The following GRIA4 variants were observed in gnomAD, a reference collection of about 807,000 sequenced individuals.
The protein encoded by GRIA4 is glutamate receptor 4.
In GRIA4, 34 loss-of-function variants were observed where a neutral mutation model predicts 104.0. The ratio of observed to expected loss-of-function variants is 0.33; its 90% CI spans 0.25 to 0.44. GRIA4 has a LOEUF of 0.44. Ranked by LOEUF, GRIA4 falls within the 20% of genes least tolerant of loss-of-function variation. GRIA4 has a pLI of 1.00. For synonymous variants in GRIA4, 386 were observed against 381.9 expected, an observed-to-expected ratio of 1.01 and a Z score of -0.13; for missense variants, 750 against 1,096.5, an observed-to-expected ratio of 0.68 and a Z score of 4.46.
intron 16 of GRIA4, chr11:105,975,081 G>A (rs1858908554): frequency 6.5e-6 from 1 of 153,158 alleles, no homozygotes; most frequent in Non-Finnish European, 1.5e-5. Flanking sequence ...TTTTACATTA[G>A]CCATCATTCT....
rs539520662 is a variant in GRIA4 at position 105,657,358 on chromosome 11, C to CA, written c.247+44929dup. Among the ~76,000 whole-genome samples the CA allele has an allele frequency of 3.5e-3, 524 of 151,862 alleles. 6 individuals carry two copies. Among genetic ancestry groups the CA allele is most frequent in the African/African-American group, 0.012 (513 of 41,448 alleles). ...ATGTAACCAAACACCACCTGTTCCC[C>CA]AAAAACCTACTGAAATAAAAAATAA... On this transcript the variant is annotated intron_variant, in intron 3 of 16. Coordinates refer to ENST00000282499, the MANE Select transcript of GRIA4 (RefSeq NM_000829.4).
At chr11:105,966,738 A>C (rs956584957) in intron 14 of GRIA4, among the ~76,000 whole-genome samples, 1 of 152,208 alleles carries the variant, frequency 6.6e-6, no homozygotes, top group African/African-American at 2.4e-5. Flanking sequence ...AAGAACAAAA[A>C]AGTAGGCAAT....
At chr11:105,682,833 G>A (rs913731563) in intron 3 of GRIA4, among the ~76,000 whole-genome samples, 3 of 152,140 alleles carry the variant, frequency 2.0e-5, no homozygotes, top group Non-Finnish European at 4.4e-5. Context: ...CTGAACCACA[G>A]ATGCAGTTGT....
At chr11:105,724,271 A>G (rs1044751265) in intron 3 of GRIA4, among the ~76,000 whole-genome samples, 1 of 152,090 alleles carries the variant, frequency 6.6e-6, no homozygotes, top group African/African-American at 2.4e-5. Context: ...AGATAGGGAC[A>G]GAATCAATAA....
chr11:105,851,064 A>G (rs973070178), intron 4 of GRIA4, among the ~76,000 whole-genome samples: 4 of 152,204 alleles, frequency 2.6e-5, no homozygotes, highest in African/African-American at 7.2e-5. Context: ...ATATAAAATG[A>G]AGATAATAAA....
At chr11:105,610,843 CTTTTT>C in intron 1 of GRIA4, 60 bp from the exon 2 acceptor site, 1 of 589,900 alleles carries the variant, frequency 1.7e-6, no homozygotes. Context: ...AACCTCTTTC[CTTTTT>C]TTTCTTTCTT....
At chr11:105,682,301 G>T (rs772603546) in intron 3 of GRIA4, among the ~76,000 whole-genome samples, 21 of 152,064 alleles carry the variant, frequency 1.4e-4, no homozygotes, top group Non-Finnish European at 2.4e-4. Flanking sequence ...GTGCACTGCA[G>T]CCTCAAACTT....
At chr11:105,691,536 C>T (rs1953083372) in intron 3 of GRIA4, among the ~76,000 whole-genome samples, 1 of 152,084 alleles carries the variant, frequency 6.6e-6, no homozygotes, top group Admixed American at 6.6e-5. Context: ...TCAGTTTCCC[C>T]ATCTGTAAAA....
At position 105,980,838 on chromosome 11, in the gene GRIA4, A is replaced by G. The variant is rs1247032347; in HGVS notation, c.*1099A>G. 6.6e-6 allele frequency: 1 copy of G among 152,642 alleles called. No homozygotes were observed. The highest frequency in any genetic ancestry group is 2.4e-5 in the African/African-American group (1 of 41,452). The allele number at this position is 152,642 out of a possible 1,614,324, so 9.5% of individuals were successfully genotyped here. On this transcript the variant is annotated 3_prime_UTR_variant, in exon 17 of 17. Transcript: ENST00000282499. ...GTAGCTAGCCCTCATTATTTTTTGC[A>G]TACTAAGCTACCCCTCCTTTTCAGA...
chr11:105,765,786 C>T (rs911293560), intron 4 of GRIA4, among the ~76,000 whole-genome samples: 5 of 152,126 alleles, frequency 3.3e-5, no homozygotes, highest in Non-Finnish European at 7.4e-5. Context: ...GCAGTTGCAA[C>T]AGGCACAGTA....
intron 4 of GRIA4, among the ~76,000 whole-genome samples, chr11:105,771,675 GA>G (rs1484180999): frequency 6.6e-6 from 1 of 152,056 alleles, no homozygotes; most frequent in East Asian, 1.9e-4. Flanking sequence ...TTTTGCTTCA[GA>G]AAAGAAGTAC....
chr11:105,683,028 C>T (rs1952760184), intron 3 of GRIA4, among the ~76,000 whole-genome samples: 1 of 152,154 alleles, frequency 6.6e-6, no homozygotes, highest in Admixed American at 6.5e-5. Context: ...AAATCCATAA[C>T]CCATTTATAA....
intron 4 of GRIA4, among the ~76,000 whole-genome samples, chr11:105,777,972 C>A (rs1941527996): frequency 2.6e-5 from 4 of 152,090 alleles, no homozygotes; most frequent in Admixed American, 2.0e-4. Context: ...GGTCCTACTT[C>A]TTCATTCTTC....
chr11:105,692,350 G>A (rs953395757), intron 3 of GRIA4, among the ~76,000 whole-genome samples: 5 of 151,948 alleles, frequency 3.3e-5, no homozygotes, highest in Non-Finnish European at 5.9e-5. Context: ...TTCCAGTGGG[G>A]CCTCTACTCT....
intron 3 of GRIA4, among the ~76,000 whole-genome samples, chr11:105,702,884 G>A (rs2135527137): frequency 6.6e-6 from 1 of 151,864 alleles, no homozygotes. Context: ...TAGCAGAGAT[G>A]CGGTTTCACC....
intron 16 of GRIA4, 161 bp downstream of exon 16, chr11:105,974,605 C>T (rs757755347): frequency 2.3e-5 from 37 of 1,574,852 alleles, no homozygotes; most frequent in Non-Finnish European, 2.8e-5. Context: ...ATCCTGTGAA[C>T]GCAGTGTTGT....
At chr11:105,962,182 T>C (rs1948761075) in intron 14 of GRIA4, among the ~76,000 whole-genome samples, 1 of 152,148 alleles carries the variant, frequency 6.6e-6, no homozygotes, top group Non-Finnish European at 1.5e-5. Context: ...AGAAATATGA[T>C]CTAGAAGTAA....
intron 3 of GRIA4, among the ~76,000 whole-genome samples, chr11:105,728,744 G>C (rs1254127665): frequency 1.3e-5 from 2 of 152,146 alleles, no homozygotes; most frequent in Non-Finnish European, 2.9e-5. Context: ...ACCTGCTCCT[G>C]AATCACTGCT....
intron 4 of GRIA4, among the ~76,000 whole-genome samples, chr11:105,811,628 C>G (rs989259098): frequency 6.6e-6 from 1 of 151,954 alleles, no homozygotes; most frequent in Admixed American, 6.6e-5. Flanking sequence ...TGCAAGACAC[C>G]CAGTTAAATT....
Sources: gnomAD v4.1 joint callset for allele counts (sites outside exome capture counted in the v4.1 genomes callset) on GRCh38, gnomAD v4.1.1 for gene constraint, MANE v1.5 for transcripts, NCBI Gene and HGNC (gene_info 2026-07-23, HGNC 2026-07-21) for gene names.